The following PAWR variants were observed in gnomAD, a reference collection of about 807,000 sequenced individuals.
PAWR encodes pro-apoptotic WT1 regulator.
PAWR carries 23 observed loss-of-function variants against 32.0 expected under a neutral mutation model. That is an observed-to-expected ratio of 0.72 (90% CI 0.52 to 1.02). The LOEUF (loss-of-function observed/expected upper bound fraction) is 1.02. PAWR is among the 50% of genes least tolerant of loss of function. The pLI is 0.00. For missense variants in PAWR, 457 were observed against 437.7 expected (o/e 1.04, Z -0.39); for synonymous variants, 226 against 187.1 (o/e 1.21, Z -1.70).
chr12:79,607,728 CA>C (rs566552836), intron 4 of PAWR, among the ~76,000 whole-genome samples: 38,027 of 126,868 alleles, frequency 0.3, 5,899 homozygotes, highest in Non-Finnish European at 0.39. Context: ...GACCTTGTCT[CA>C]AAAAAAAAAA....
intron 2 of PAWR, 113 bp from the exon 3 acceptor site, chr12:79,621,320 T>C (rs1017087610): frequency 1.6e-5 from 13 of 787,894 alleles, no homozygotes; most frequent in East Asian, 5.7e-5. Context: ...AGAAATTAGT[T>C]TGCATAATAA....
intron 4 of PAWR, among the ~76,000 whole-genome samples, chr12:79,608,448 C>T (rs180935651): frequency 7.2e-5 from 11 of 152,242 alleles, no homozygotes; most frequent in African/African-American, 2.2e-4. Flanking sequence ...AATCTAATGC[C>T]GTTGCTGATC....
rs372360850 is a variant in PAWR at position 79,645,312 on chromosome 12, C to G, written c.517-24105G>C. Among the ~76,000 whole-genome samples the G allele has an allele frequency of 4.3e-4, 66 of 152,250 alleles. No individual in the cohort carries two copies. In the East Asian group the frequency reaches 0.012, roughly 28 times the overall value. ...AAGAAAATAAAACTATCTGGTATTT[C>G]TTTAGATCTAAGGACATCATGAAAA... is the stretch of plus-strand genomic sequence containing the variant. On this transcript the variant is annotated intron_variant, in intron 2 of 6. Coordinates refer to ENST00000328827, the MANE Select transcript of PAWR (RefSeq NM_002583.4).
chr12:79,632,339 A>G (rs1390640115), intron 2 of PAWR, among the ~76,000 whole-genome samples: 7 of 52,994 alleles, frequency 1.3e-4, no homozygotes, highest in South Asian at 1.1e-3. Flanking sequence ...ATATATATAT[A>G]TATATATATA....
At chr12:79,653,152 T>A (rs1048352290) in intron 2 of PAWR, among the ~76,000 whole-genome samples, 4 of 151,878 alleles carry the variant, frequency 2.6e-5, no homozygotes, top group Admixed American at 2.0e-4. Context: ...CCAGCAATTC[T>A]CCTGCCTCAG....
At chr12:79,668,573 T>C (rs2136843328) in intron 2 of PAWR, among the ~76,000 whole-genome samples, 1 of 152,268 alleles carries the variant, frequency 6.6e-6, no homozygotes, top group South Asian at 2.1e-4. Flanking sequence ...CCACCTCAGA[T>C]CATCAGACAT....
intron 2 of PAWR, among the ~76,000 whole-genome samples, chr12:79,670,822 T>A (rs1046821484): frequency 1.3e-5 from 2 of 151,760 alleles, no homozygotes; most frequent in Non-Finnish European, 2.9e-5. Flanking sequence ...GAAAACACAA[T>A]TTATAAATGA....
At chr12:79,687,811 T>C (rs1878755553) in intron 2 of PAWR, among the ~76,000 whole-genome samples, 1 of 152,156 alleles carries the variant, frequency 6.6e-6, no homozygotes, top group Non-Finnish European at 1.5e-5. Flanking sequence ...AATACATAAG[T>C]TGTTTTGAAA....
chr12:79,629,896 A>T lies in PAWR; in HGVS notation c.517-8689T>A, dbSNP rs184289203. Among the ~76,000 whole-genome samples, 500 of 152,278 alleles carry T rather than the reference A, an allele frequency of 3.3e-3. 9 individuals are homozygous for T. Among genetic ancestry groups the T allele is most frequent in the Non-Finnish European group, 1.2e-3 (79 of 68,006 alleles). ...TTCACAAATAATCACGTGAAAAAAG[A>T]AATCACAAGTAGAAAATATTTTCAA... On this transcript the variant is annotated intron_variant, in intron 2 of 6. Transcript: ENST00000328827.
intron 2 of PAWR, among the ~76,000 whole-genome samples, chr12:79,631,596 C>T (rs1043115518): frequency 2.0e-5 from 3 of 152,138 alleles, no homozygotes; most frequent in Admixed American, 6.5e-5. Context: ...TATACCCTTA[C>T]ATTACAACTA....
At chr12:79,649,491 C>T (rs1876739278) in intron 2 of PAWR, among the ~76,000 whole-genome samples, 1 of 151,964 alleles carries the variant, frequency 6.6e-6, no homozygotes, top group Non-Finnish European at 1.5e-5. Flanking sequence ...AAATACCCAT[C>T]AATAAGGAAA....
chr12:79,622,669 C>T (rs540683333), intron 2 of PAWR, among the ~76,000 whole-genome samples: 1 of 152,134 alleles, frequency 6.6e-6, no homozygotes, highest in African/African-American at 2.4e-5. Context: ...ATGGAAAGGG[C>T]AAATGAAAGG....
chr12:79,616,963 G>A (rs910716053), intron 3 of PAWR, among the ~76,000 whole-genome samples: 2 of 152,172 alleles, frequency 1.3e-5, no homozygotes, highest in Non-Finnish European at 2.9e-5. Context: ...TTAAGATTTT[G>A]AAGCACACAG....
chr12:79,651,446 C>T (rs569340154), intron 2 of PAWR, among the ~76,000 whole-genome samples: 2 of 152,244 alleles, frequency 1.3e-5, no homozygotes, highest in South Asian at 4.2e-4. Flanking sequence ...TCCTCAATAC[C>T]AGATCTTCAT....
In PAWR at chr12:79,632,275, G is replaced by A. The variant is rs564782216; in HGVS notation, c.517-11068C>T. 1.1e-3 allele frequency: 122 copies of A among 115,960 alleles called. 5 individuals carry two copies. The highest frequency in any genetic ancestry group is 4.2e-3 in the African/African-American group (116 of 27,596). The allele number at this position is 115,960 out of a possible 1,614,324, so 7.2% of individuals were successfully genotyped here. A position where few individuals can be genotyped will look rare whatever the true frequency, so the allele number is the denominator to read the frequency against. On this transcript the variant is annotated intron_variant, in intron 2 of 6. Transcript: ENST00000328827. ...TATTCATACAAAAGAATGCACTAGA[G>A]TCCAGAAATAGAAATATATACATAT... is the stretch of plus-strand genomic sequence containing the variant.
chr12:79,680,621 G>A (rs1300099142), intron 2 of PAWR, among the ~76,000 whole-genome samples: 2 of 152,000 alleles, frequency 1.3e-5, no homozygotes, highest in African/African-American at 2.4e-5. Context: ...ATGAGTTTCA[G>A]GAACTTATTT....
intron 2 of PAWR, among the ~76,000 whole-genome samples, chr12:79,664,549 T>C (rs763479633): frequency 2.6e-5 from 4 of 152,026 alleles, no homozygotes; most frequent in Admixed American, 1.3e-4. Flanking sequence ...ATTATCTTGT[T>C]TGGGGCCACA....
chr12:79,602,568 G>T (rs1002077243), intron 4 of PAWR, among the ~76,000 whole-genome samples: 1 of 151,692 alleles, frequency 6.6e-6, no homozygotes, highest in Admixed American at 6.6e-5. Flanking sequence ...ATAAGGGCAA[G>T]ATGGGAAAAA....
At chr12:79,597,047 C>T (rs1415310651) in intron 4 of PAWR, 2 of 157,772 alleles carry the variant, frequency 1.3e-5, no homozygotes, top group Admixed American at 6.5e-5. Flanking sequence ...GGACAGATCT[C>T]CCAGATTATC....
Sources: allele counts gnomAD v4.1 joint callset (sites outside exome capture counted in the v4.1 genomes callset), GRCh38; gene constraint gnomAD v4.1.1; transcripts MANE v1.5; gene names NCBI Gene and HGNC (gene_info 2026-07-23, HGNC 2026-07-21).